Variants in AP3B1 observed in about 807,000 individuals in gnomAD.
AP3B1 encodes adaptor related protein complex 3 subunit beta 1.
Under a neutral mutation model 132.5 loss-of-function variants are expected in AP3B1, and 61 were observed. That is an observed-to-expected ratio of 0.46 (90% CI 0.37 to 0.57). The LOEUF (loss-of-function observed/expected upper bound fraction) is 0.57. Among genes scored for constraint, AP3B1 ranks in the 20% least tolerant of loss-of-function variants. The probability of loss-of-function intolerance (pLI) is 0.00; values close to 1 mark genes in which losing one functional copy is unlikely to be tolerated. For missense variants in AP3B1, 1,120 were observed against 1,289.4 expected (o/e 0.87, Z 2.01); for synonymous variants, 388 against 438.3 (o/e 0.89, Z 1.43).
intron 18 of AP3B1, among the ~76,000 whole-genome samples, chr5:78,114,238 TTTCTTTTAAAGAATTACGTAAGGA>T: frequency 6.6e-6 from 1 of 152,250 alleles, no homozygotes; most frequent in East Asian, 1.9e-4. Flanking sequence ...TGTCAAAAAC[TTTCTTTTAAAGAATTACGTAAGGA>T]TTGATGTAAG....
intron 22 of AP3B1, among the ~76,000 whole-genome samples, chr5:78,068,362 A>C (rs1749382659): frequency 7.2e-6 from 1 of 137,970 alleles, no homozygotes; most frequent in African/African-American, 3.5e-5. Flanking sequence ...AGAAGAAAGA[A>C]GGAGAAGGAG....
chr5:78,125,328 G>C (rs1752412219), intron 17 of AP3B1, among the ~76,000 whole-genome samples: 1 of 152,002 alleles, frequency 6.6e-6, no homozygotes, highest in South Asian at 2.1e-4. Context: ...AATCTGACTA[G>C]GTTCCCAGTC....
chr5:78,094,590 T>C (rs949831006), intron 21 of AP3B1, among the ~76,000 whole-genome samples: 2 of 152,060 alleles, frequency 1.3e-5, no homozygotes, highest in Non-Finnish European at 2.9e-5. Flanking sequence ...TTATTTCTGG[T>C]AGTAGCAAGC....
At chr5:78,212,558 G>A (rs1428918994) in intron 7 of AP3B1, among the ~76,000 whole-genome samples, 3 of 152,138 alleles carry the variant, frequency 2.0e-5, no homozygotes, top group Non-Finnish European at 4.4e-5. Flanking sequence ...TAGCATTTAT[G>A]TAAGTGACTT....
intron 1 of AP3B1, among the ~76,000 whole-genome samples, chr5:78,276,596 G>C (rs1432574014): frequency 1.3e-5 from 2 of 152,068 alleles, no homozygotes; most frequent in Non-Finnish European, 2.9e-5. Flanking sequence ...AGTTGGACTT[G>C]GTGGCATACA....
intron 15 of AP3B1, among the ~76,000 whole-genome samples, chr5:78,129,990 G>C (rs1160160710): frequency 6.6e-6 from 1 of 151,858 alleles, no homozygotes; most frequent in Non-Finnish European, 1.5e-5. Context: ...AGTAATATTG[G>C]TCATTTATTT....
At chr5:78,039,503 C>T (rs977635809) in intron 22 of AP3B1, among the ~76,000 whole-genome samples, 1 of 152,092 alleles carries the variant, frequency 6.6e-6, no homozygotes, top group Non-Finnish European at 1.5e-5. Context: ...CGGCTGGGCG[C>T]GGTGGCTCAC....
intron 26 of AP3B1, among the ~76,000 whole-genome samples, chr5:78,009,450 C>T (rs899893954): frequency 2.6e-5 from 4 of 151,704 alleles, no homozygotes; most frequent in African/African-American, 4.8e-5. Context: ...GAGTGAGACC[C>T]TGTCTTAAAA....
intron 1 of AP3B1, among the ~76,000 whole-genome samples, chr5:78,278,625 A>AAAAAAAAG (rs1561217252): frequency 9.6e-5 from 5 of 52,260 alleles, no homozygotes; most frequent in African/African-American, 3.0e-4. Flanking sequence ...AAAAAAAAAA[A>AAAAAAAAG]GGGGGGGGGG....
At chr5:78,182,741 AC>A (rs1744422656) in intron 7 of AP3B1, among the ~76,000 whole-genome samples, 1 of 151,930 alleles carries the variant, frequency 6.6e-6, no homozygotes, top group Non-Finnish European at 1.5e-5. Flanking sequence ...TTATGGCCCT[AC>A]CCCCATCCCC....
chr5:78,231,259 C>T lies in AP3B1; in HGVS notation c.280-3020G>A, dbSNP rs201159040. ...CGATCTCGCGACTTACTGCAACCTC[C>T]GCCACCCAGGTTCAAGCGATTCTCC... On this transcript the variant is annotated intron_variant, in intron 3 of 26. Coordinates refer to ENST00000255194, the MANE Select transcript of AP3B1 (RefSeq NM_003664.5). 8.0e-4 allele frequency among the ~76,000 whole-genome samples: 121 copies of T among 152,172 alleles called. 4 individuals are homozygous for T. The East Asian group carries it at 0.02, about 25-fold the overall frequency.
At chr5:78,118,458 T>C (rs529267533) in intron 17 of AP3B1, among the ~76,000 whole-genome samples, 2 of 152,168 alleles carry the variant, frequency 1.3e-5, no homozygotes, top group African/African-American at 4.8e-5. Flanking sequence ...ACCTGGAAAA[T>C]CGGGTCACTC....
At chr5:78,256,100 G>A (rs115913774) in intron 2 of AP3B1, among the ~76,000 whole-genome samples, 1,583 of 151,830 alleles carry the variant, frequency 0.01, 29 homozygotes, top group African/African-American at 0.035. Flanking sequence ...ACAATCTAAC[G>A]ATGCATCTTA....
chr5:78,228,231 C>T lies in AP3B1; in HGVS notation c.288G>A (p.Lys96=). ...ATCGAACCAGGTAAACATATACCAA[C>T]TTCTTGATCTGTTAAAAAAAAATCA... ...NVASKNIEIK[K]LVYVYLVRYA... Residue 96 remains lysine (K), a synonymous_variant, in exon 4 of 27, where the codon AAG becomes AAA. Coordinates refer to ENST00000255194, the MANE Select transcript of AP3B1 (RefSeq NM_003664.5). 1.2e-6 allele frequency: 2 copies of T among 1,601,698 alleles called. No individual in the cohort carries two copies. The highest frequency in any genetic ancestry group is 2.8e-5 in the African/African-American group (2 of 72,450).
intron 23 of AP3B1, among the ~76,000 whole-genome samples, chr5:78,036,385 G>A (rs1321917897): frequency 6.6e-6 from 1 of 152,128 alleles, no homozygotes; most frequent in East Asian, 1.9e-4. Context: ...TATTTGAGAT[G>A]GCTATGTAGA....
intron 1 of AP3B1, among the ~76,000 whole-genome samples, chr5:78,279,584 A>C (rs1748951726): frequency 6.6e-6 from 1 of 151,812 alleles, no homozygotes; most frequent in Non-Finnish European, 1.5e-5. Context: ...CTACGCTGTC[A>C]ATTTCTGCTA....
At chr5:78,240,810 A>G (rs1297594310) in intron 3 of AP3B1, 52 bp downstream of exon 3, 2 of 1,238,708 alleles carry the variant, frequency 1.6e-6, no homozygotes, top group African/African-American at 3.0e-5. Flanking sequence ...TAAAAAGTGT[A>G]CGGTCCCATG....
intron 26 of AP3B1, among the ~76,000 whole-genome samples, chr5:78,014,068 CAGG>C (rs1746747996): frequency 6.6e-6 from 1 of 152,164 alleles, no homozygotes; most frequent in African/African-American, 2.4e-5. Flanking sequence ...GAGGCTGAGG[CAGG>C]AGAATGGCGT....
chr5:78,166,643 G>C (rs1240481137), intron 11 of AP3B1, among the ~76,000 whole-genome samples: 4 of 152,086 alleles, frequency 2.6e-5, no homozygotes, highest in African/African-American at 9.7e-5. Context: ...AGCAAATCAA[G>C]ATGTGAACAT....
Sources: allele counts gnomAD v4.1 joint callset (sites outside exome capture counted in the v4.1 genomes callset), GRCh38; gene constraint gnomAD v4.1.1; transcripts MANE v1.5; gene names NCBI Gene and HGNC (gene_info 2026-07-23, HGNC 2026-07-21).